RNF157: variants seen among roughly 807,000 people sequenced by gnomAD.
RNF157 encodes the protein ring finger protein 157, also known as E3 ubiquitin ligase RNF157.
RNF157 carries 55 observed loss-of-function variants against 88.3 expected under a neutral mutation model. The observed-to-expected ratio is 0.62, with a 90% CI of 0.50 to 0.78. The LOEUF (loss-of-function observed/expected upper bound fraction) is 0.78. Among genes scored for constraint, RNF157 ranks in the 30% least tolerant of loss-of-function variants. The probability of loss-of-function intolerance (pLI) is 0.00; values close to 1 mark genes in which losing one functional copy is unlikely to be tolerated. For synonymous variants in RNF157, 334 were observed against 341.2 expected (o/e 0.98, Z 0.23); for missense variants, 788 against 860.8 (o/e 0.92, Z 1.06).
chr17:76,164,834 G>C, intron 7 of RNF157, 39 bp from the exon 8 acceptor site: 2 of 1,479,630 alleles, frequency 1.4e-6, no homozygotes, highest in East Asian at 4.5e-5. Flanking sequence ...AGGAAGGGAG[G>C]GTAATAAAGC....
chr17:76,155,342 G>A, intron 15 of RNF157, 25 bp from the exon 16 acceptor site: 1 of 1,610,454 alleles, frequency 6.2e-7, no homozygotes, highest in Non-Finnish European at 8.5e-7. Flanking sequence ...AGTTTTTACA[G>A]GCTCTTCCAT....
intron 1 of RNF157, among the ~76,000 whole-genome samples, chr17:76,218,071 T>C (rs1205485307): frequency 5.3e-5 from 8 of 152,078 alleles, no homozygotes; most frequent in Non-Finnish European, 1.5e-5. Context: ...TTTAACGTTA[T>C]GTGTTTTTTT....
At chr17:76,232,401 G>A (rs1471914863) in intron 1 of RNF157, among the ~76,000 whole-genome samples, 1 of 150,932 alleles carries the variant, frequency 6.6e-6, no homozygotes, top group East Asian at 1.9e-4. Context: ...AAAAAAAAAA[G>A]CAAAGAAACA....
intron 1 of RNF157, among the ~76,000 whole-genome samples, chr17:76,221,502 T>C (rs2069982510): frequency 6.6e-6 from 1 of 152,084 alleles, no homozygotes; most frequent in Non-Finnish European, 1.5e-5. Flanking sequence ...AAAGAATATA[T>C]TGTAAGGGGG....
intron 1 of RNF157, chr17:76,226,588 G>A (rs2070090532): frequency 6.8e-6 from 11 of 1,613,498 alleles, no homozygotes; most frequent in East Asian, 2.2e-5. Flanking sequence ...CCTCCTTGCT[G>A]TTGTTGGAGG....
rs1408575307 is a variant in RNF157, at chr17:76,156,395, C to A, written c.1414-74G>T. On this transcript the variant is annotated intron_variant, in intron 13 of 18. Coordinates refer to ENST00000269391, the MANE Select transcript of RNF157 (RefSeq NM_052916.3). ...CCTGTGCTGGAGGAAGGGGTCAGGG[C>A]GGAGGTCTGGGTAGAGATGAGGAGG... The A allele has an allele frequency of 1.9e-6, 3 of 1,600,272 alleles. No individual in the cohort carries two copies. In the African/African-American group the frequency reaches 4.0e-5, roughly 21 times the overall value.
intron 2 of RNF157, among the ~76,000 whole-genome samples, chr17:76,192,943 A>G (rs1015983969): frequency 6.8e-6 from 1 of 146,876 alleles, no homozygotes; most frequent in Non-Finnish European, 1.5e-5. Context: ...TGATTCTCCC[A>G]CTTCAGCCAC....
At chr17:76,225,711 T>A in intron 1 of RNF157, 16 of 1,430,990 alleles carry the variant, frequency 1.1e-5, no homozygotes, top group Non-Finnish European at 1.4e-5. Flanking sequence ...CAGCAGACAC[T>A]CTATGTACAA....
chr17:76,221,667 A>C (rs2069985423), intron 1 of RNF157, among the ~76,000 whole-genome samples: 1 of 152,240 alleles, frequency 6.6e-6, no homozygotes, highest in Admixed American at 6.5e-5. Context: ...AAATAACTAT[A>C]AGAAATAAAA....
At chr17:76,154,661 A>G (rs1296790200) in intron 16 of RNF157, 2 of 277,972 alleles carry the variant, frequency 7.2e-6, no homozygotes, top group Admixed American at 4.9e-5. Flanking sequence ...TTGTGAGATC[A>G]TAAGACTTTC....
rs1209052263 is a variant in RNF157 at position 76,146,568 on chromosome 17, C to T, written c.1922-1215G>A. On this transcript the variant is annotated intron_variant, in intron 18 of 18. Transcript: ENST00000269391. This position sits in a 1 kb window ranked among gnomAD's most constrained non-coding sequence, Gnocchi z 4.2. ...TCGTCCTCCGGACCCTGTGGGCCTC[C>T]CCAGCCGTGTCTCCCAGTGGCCTCC... 2.0e-6 allele frequency: 2 copies of T among 985,452 alleles called. No homozygotes were observed. The highest frequency in any genetic ancestry group is 1.7e-5 in the African/African-American group (1 of 57,364). The allele number at this position is 985,452 out of a possible 1,614,324, so 61.0% of individuals were successfully genotyped here. A position where few individuals can be genotyped will look rare whatever the true frequency, so the allele number is the denominator to read the frequency against.
chr17:76,205,129 TTTTC>T (rs1171675624), intron 2 of RNF157, among the ~76,000 whole-genome samples: 3 of 151,242 alleles, frequency 2.0e-5, no homozygotes, highest in South Asian at 2.1e-4. Context: ...TCCTCTTTTC[TTTTC>T]TTTTTTTCTT....
At chr17:76,185,976 C>CAT (rs138496601) in intron 2 of RNF157, among the ~76,000 whole-genome samples, 104 of 151,210 alleles carry the variant, frequency 6.9e-4, no homozygotes, top group Non-Finnish European at 1.2e-3. Context: ...AAATATAAAA[C>CAT]ATATATATAT....
intron 2 of RNF157, among the ~76,000 whole-genome samples, chr17:76,193,731 C>G (rs531663531): frequency 6.6e-6 from 1 of 152,164 alleles, no homozygotes; most frequent in African/African-American, 2.4e-5. Flanking sequence ...AAGCCTGATC[C>G]GAAACAATCA....
rs1222987763 is a variant in RNF157, at chr17:76,192,973, C to T, written c.208-19183G>A. ...AGCCACGTGAGTAACAGCCGCGCGCCACCACACCTAGCTAATTTTTGACTT... is the reference window on the plus strand; with the variant it reads ...AGCCACGTGAGTAACAGCCGCGCGCTACCACACCTAGCTAATTTTTGACTT... On this transcript the variant is annotated intron_variant, in intron 2 of 18. Transcript: ENST00000269391. Among the ~76,000 whole-genome samples, 3 of 151,964 alleles carry T rather than the reference C, an allele frequency of 2.0e-5. No homozygotes were observed. The East Asian group carries it at 5.8e-4, about 29-fold the overall frequency.
intron 1 of RNF157, chr17:76,226,890 G>A (rs548179644): frequency 1.6e-5 from 19 of 1,168,382 alleles, no homozygotes; most frequent in African/African-American, 3.1e-5. Flanking sequence ...GCTGAATGCC[G>A]TGGGAAGCGC....
Position 76,240,299 on chromosome 17 carries a change from A to C in RNF157, c.-59T>G. On this transcript the variant is annotated 5_prime_UTR_variant, in exon 1 of 19. An upstream open reading frame in the 5' UTR loses its in-frame stop. Coordinates refer to ENST00000269391, the MANE Select transcript of RNF157 (RefSeq NM_052916.3). This position sits in a 1 kb window ranked among gnomAD's most constrained non-coding sequence, Gnocchi z 4.4. ...GTGCCCGCGCCGCCCTCCGCGCTTC[A>C]CCGCGGCCGCCCGCCCCGCGCCCGG... 5.8e-6 allele frequency: 5 copies of C among 861,472 alleles called. No individual in the cohort carries two copies. The highest frequency in any genetic ancestry group is 3.8e-5 in the African/African-American group (2 of 53,206). 53.4% of individuals were successfully genotyped at this position (861,472 alleles called of 1,614,324 possible).
intron 1 of RNF157, among the ~76,000 whole-genome samples, chr17:76,218,199 G>C (rs1598438144): frequency 6.6e-6 from 1 of 152,142 alleles, no homozygotes; most frequent in East Asian, 1.9e-4. Context: ...AAGGCACCCA[G>C]GCAAAAAGTC....
chr17:76,225,437 C>G (rs2070063716), intron 1 of RNF157, among the ~76,000 whole-genome samples: 1 of 152,200 alleles, frequency 6.6e-6, no homozygotes, highest in African/African-American at 2.4e-5. Flanking sequence ...CCACTATTCA[C>G]AATTGGGTGT....
Sources: gnomAD v4.1 joint callset for allele counts (sites outside exome capture counted in the v4.1 genomes callset) on GRCh38, gnomAD v4.1.1 for gene constraint, Gnocchi (gnomAD v3.1) non-coding constraint, MANE v1.5 for transcripts, NCBI Gene and HGNC (gene_info 2026-07-23, HGNC 2026-07-21) for gene names.